The following FBXL17 variants were observed in gnomAD, a reference collection of about 807,000 sequenced individuals.
FBXL17 encodes F-box/LRR-repeat protein 17.
FBXL17 carries 22 observed loss-of-function variants against 66.2 expected under a neutral mutation model. That is an observed-to-expected ratio of 0.33 (90% CI 0.24 to 0.47). The LOEUF is 0.47. FBXL17 is among the 20% of genes least tolerant of loss of function. The pLI is 1.00. For synonymous variants in FBXL17, 474 were observed against 400.5 expected, an observed-to-expected ratio of 1.18 and a Z score of -2.19; for missense variants, 878 against 948.2, an observed-to-expected ratio of 0.93 and a Z score of 0.97.
At chr5:108,268,708 T>C (rs896553829) in intron 4 of FBXL17, among the ~76,000 whole-genome samples, 1 of 152,108 alleles carries the variant, frequency 6.6e-6, no homozygotes, top group African/African-American at 2.4e-5. Context: ...TATCAGTTAC[T>C]ACATATCCTC....
chr5:108,120,967 G>T (rs1317436585), intron 6 of FBXL17, among the ~76,000 whole-genome samples: 1 of 152,134 alleles, frequency 6.6e-6, no homozygotes, highest in Non-Finnish European at 1.5e-5. Flanking sequence ...AAGCTCAGAA[G>T]AATACAGGAA....
chr5:108,154,290 A>C (rs1412730665), intron 6 of FBXL17, among the ~76,000 whole-genome samples: 1 of 73,842 alleles, frequency 1.4e-5, no homozygotes, highest in Non-Finnish European at 3.7e-5. Flanking sequence ...CACAGCTGAA[A>C]AAAAAAAAAA....
At chr5:108,341,053 T>C (rs1746849391) in intron 4 of FBXL17, among the ~76,000 whole-genome samples, 1 of 152,182 alleles carries the variant, frequency 6.6e-6, no homozygotes, top group South Asian at 2.1e-4. Context: ...ATTTATACAA[T>C]AATTTTATTG....
At chr5:107,923,275 A>T (rs1433055) in intron 7 of FBXL17, among the ~76,000 whole-genome samples, 15,232 of 152,206 alleles carry the variant, frequency 0.1, 868 homozygotes, top group South Asian at 0.22. Flanking sequence ...GTTGCTCTGA[A>T]GACCCCTGGT....
chr5:108,165,632 C>T (rs1752388868), intron 6 of FBXL17, among the ~76,000 whole-genome samples: 1 of 152,200 alleles, frequency 6.6e-6, no homozygotes, highest in Admixed American at 6.5e-5. Flanking sequence ...CACTAACTAG[C>T]TGCATGAATC....
intron 5 of FBXL17, among the ~76,000 whole-genome samples, chr5:108,217,347 ATAT>A (rs1754650325): frequency 6.6e-6 from 1 of 152,170 alleles, no homozygotes; most frequent in East Asian, 1.9e-4. Flanking sequence ...GTTTGTTTCG[ATAT>A]TATATTGAAA....
chr5:108,020,624 C>T (rs1382002900), intron 7 of FBXL17, among the ~76,000 whole-genome samples: 1 of 151,618 alleles, frequency 6.6e-6, no homozygotes, highest in East Asian at 1.9e-4. Context: ...TATTGTTAAA[C>T]TTATTTTCAT....
At chr5:107,876,033 G>A (rs1314666179) in intron 8 of FBXL17, among the ~76,000 whole-genome samples, 1 of 152,158 alleles carries the variant, frequency 6.6e-6, no homozygotes, top group African/African-American at 2.4e-5. Context: ...AGGACATTAG[G>A]GTGGACCTTT....
intron 7 of FBXL17, among the ~76,000 whole-genome samples, chr5:108,019,756 T>C (rs894187592): frequency 2.0e-5 from 3 of 151,844 alleles, no homozygotes; most frequent in Non-Finnish European, 4.4e-5. Flanking sequence ...TTTAGAGAGA[T>C]AACCATGTCT....
chr5:107,897,134 A>T (rs2112526116), intron 7 of FBXL17, among the ~76,000 whole-genome samples: 1 of 152,280 alleles, frequency 6.6e-6, no homozygotes, highest in South Asian at 2.1e-4. Flanking sequence ...GTCAACCAAG[A>T]GGCGGCAGAG....
At chr5:108,378,220 C>T (rs1284340081) in intron 1 of FBXL17, among the ~76,000 whole-genome samples, 4 of 148,722 alleles carry the variant, frequency 2.7e-5, no homozygotes, top group South Asian at 2.1e-4. Context: ...TCTCCTCTGC[C>T]ATAAAAAAAA....
intron 4 of FBXL17, among the ~76,000 whole-genome samples, chr5:108,234,369 G>C (rs918992508): frequency 6.6e-6 from 1 of 152,098 alleles, no homozygotes; most frequent in Admixed American, 6.6e-5. Context: ...TAATAATATT[G>C]AGAGGCATAA....
chr5:108,380,164 G>C (rs1749741096), intron 1 of FBXL17, among the ~76,000 whole-genome samples: 2 of 152,026 alleles, frequency 1.3e-5, no homozygotes, highest in Non-Finnish European at 2.9e-5. Context: ...GTTTCTTCCT[G>C]TATAAAATAA....
At chr5:108,103,340 A>C (rs1749671737) in intron 6 of FBXL17, among the ~76,000 whole-genome samples, 1 of 152,242 alleles carries the variant, frequency 6.6e-6, no homozygotes, top group African/African-American at 2.4e-5. Context: ...TCTGCTTTCC[A>C]GTGGCATAAA....
chr5:107,900,191 C>T (rs1749526112), intron 7 of FBXL17, among the ~76,000 whole-genome samples: 1 of 152,064 alleles, frequency 6.6e-6, no homozygotes, highest in Admixed American at 6.5e-5. Flanking sequence ...ATTAACAAGA[C>T]TTGATTCAGT....
chr5:108,380,116 C>A (rs1749737151), intron 1 of FBXL17, among the ~76,000 whole-genome samples: 1 of 152,198 alleles, frequency 6.6e-6, no homozygotes, highest in Admixed American at 6.5e-5. Flanking sequence ...CTGCCTGACT[C>A]ACTACTATAA....
intron 4 of FBXL17, among the ~76,000 whole-genome samples, chr5:108,343,156 T>C (rs1044527569): frequency 6.6e-6 from 1 of 152,210 alleles, no homozygotes; most frequent in Non-Finnish European, 1.5e-5. Context: ...CCTCCAGATC[T>C]GTGACAAACA....
chr5:108,161,220 C>T (rs1273079854), intron 6 of FBXL17, among the ~76,000 whole-genome samples: 1 of 150,134 alleles, frequency 6.7e-6, no homozygotes, highest in Non-Finnish European at 1.5e-5. Flanking sequence ...CAGTGGCTCA[C>T]ACCTGTAATC....
intron 6 of FBXL17, among the ~76,000 whole-genome samples, chr5:108,177,845 A>G (rs1232114220): frequency 6.6e-6 from 1 of 150,758 alleles, no homozygotes; most frequent in Non-Finnish European, 1.5e-5. Flanking sequence ...AGTGTCTGGA[A>G]CACAGTATAA....
Sources: allele counts gnomAD v4.1 joint callset (sites outside exome capture counted in the v4.1 genomes callset), GRCh38; gene constraint gnomAD v4.1.1; transcripts MANE v1.5; gene names NCBI Gene and HGNC (gene_info 2026-07-23, HGNC 2026-07-21).